CTRB1: variants seen among roughly 807,000 people sequenced by gnomAD.
CTRB1 encodes the protein chymotrypsinogen B1.
CTRB1 carries 15 observed loss-of-function variants against 20.4 expected under a neutral mutation model. The ratio of observed to expected loss-of-function variants is 0.74; its 90% CI spans 0.49 to 1.13. The LOEUF (loss-of-function observed/expected upper bound fraction) is 1.13. Ranked by LOEUF, CTRB1 falls within the 50% of genes most tolerant of loss-of-function variation. CTRB1 has a pLI of 0.00. For missense variants in CTRB1, 227 were observed against 290.1 expected (o/e 0.78, Z 1.58); for synonymous variants, 92 against 128.4 (o/e 0.72, Z 1.92).
intron 1 of CTRB1, 28 bp downstream of exon 1, chr16:75,219,087 CCTGAGGGAGCCCTGAGCCTGGCT>C: frequency 6.4e-7 from 1 of 1,570,084 alleles, no homozygotes; most frequent in Non-Finnish European, 8.6e-7. Flanking sequence ...AGGGGTCTGT[CCTGAGGGAGCCCTGAGCCTGGCT>C]GAGAGGGGGA....
chr16:75,223,563 CCGA>C lies in CTRB1; in HGVS notation c.439_441del (p.Asp147del), dbSNP rs1366421250. 1.9e-5 allele frequency: 12 copies of C among 627,828 alleles called. No individual in the cohort carries two copies. The highest frequency in any genetic ancestry group is 2.9e-5 in the Non-Finnish European group (11 of 385,634). The allele number at this position is 627,828 out of a possible 1,614,324, so 38.9% of individuals were successfully genotyped here. Reference sequence around the variant, plus strand: ...GTGTCCGCCGTGTGCCTGCCCAGCGCCGACGACGACTTCCCCGCGGGGACACTG... The same window carrying C: ...GTGTCCGCCGTGTGCCTGCCCAGCGCCGACGACTTCCCCGCGGGGACACTG... On this transcript the variant is annotated inframe_deletion, in exon 5 of 7. Coordinates refer to ENST00000361017, the MANE Select transcript of CTRB1 (RefSeq NM_001906.6).
chr16:75,219,505 C>T (rs1450398997), intron 1 of CTRB1, among the ~76,000 whole-genome samples: 1 of 152,026 alleles, frequency 6.6e-6, no homozygotes, highest in Non-Finnish European at 1.5e-5. Flanking sequence ...GATCTTCCTG[C>T]CTCAGCTTCC....
chr16:75,219,075 C>G lies in CTRB1; in HGVS notation c.52+16C>G. ...GCCGCCTTTGGTGAGTGCTGGTGCC[C>G]GAGGGGTCTGTCCTGAGGGAGCCCT... On this transcript the variant is annotated intron_variant, in intron 1 of 6. Coordinates refer to ENST00000361017, the MANE Select transcript of CTRB1 (RefSeq NM_001906.6). 6.3e-7 allele frequency: 1 copy of G among 1,580,732 alleles called. No individual in the cohort carries two copies. Among genetic ancestry groups the G allele is most frequent in the Non-Finnish European group, 8.6e-7 (1 of 1,164,618 alleles).
In CTRB1 at chr16:75,224,864, T is replaced by G; in HGVS notation, c.790T>G (p.Ter264GlyextTer?). 7 of 1,613,714 alleles carry G rather than the reference T, an allele frequency of 4.3e-6. No individual in the cohort carries two copies. Among genetic ancestry groups the G allele is most frequent in the Non-Finnish European group, 5.1e-6 (6 of 1,180,016 alleles). Residue 264 changes from the stop codon to glycine, a stop_lost, in exon 7 of 7, where the codon TGA becomes GGA. Transcript: ENST00000361017. ...GGTGCAGAAGATCCTGGCTGCCAACTGAGCCCGCGGCTCCCTCCGACCCTG... is the reference window on the plus strand; with the variant it reads ...GGTGCAGAAGATCCTGGCTGCCAACGGAGCCCGCGGCTCCCTCCGACCCTG... ...PWVQKILAAN[*>G]
rs72802387 is a variant in CTRB1 at position 75,222,355 on chromosome 16, G to A, written c.53-413G>A. ...CTCGCCACCAGTCTAACAAAGGCAC[G>A]TGGGCCAGTGGAGCTCACGTGGTTC... On this transcript the variant is annotated intron_variant, in intron 1 of 6. Coordinates refer to ENST00000361017, the MANE Select transcript of CTRB1 (RefSeq NM_001906.6). 2.5e-3 allele frequency among the ~76,000 whole-genome samples: 379 copies of A among 152,218 alleles called. 4 individuals are homozygous for A. The highest frequency in any genetic ancestry group is 6.8e-3 in the Middle Eastern group (2 of 294).
chr16:75,222,450 A>G (rs1213107239), intron 1 of CTRB1, among the ~76,000 whole-genome samples: 1 of 152,184 alleles, frequency 6.6e-6, no homozygotes, highest in Non-Finnish European at 1.5e-5. Flanking sequence ...GTCACACGGC[A>G]AGGAAAGTGT....
chr16:75,224,696 C>T lies in CTRB1; in HGVS notation c.631-9C>T, dbSNP rs1327350248. ...GCCAGATCCAAGCCCCCTTCTCCCTCTCCCACAGGGCGACTCTGGCGGCCC... is the reference window on the plus strand; with the variant it reads ...GCCAGATCCAAGCCCCCTTCTCCCTTTCCCACAGGGCGACTCTGGCGGCCC... On this transcript the variant is annotated splice_polypyrimidine_tract_variant and intron_variant, in intron 6 of 6. Coordinates refer to ENST00000361017, the MANE Select transcript of CTRB1 (RefSeq NM_001906.6). 1.2e-6 allele frequency: 2 copies of T among 1,602,718 alleles called. No individual in the cohort carries two copies. Among genetic ancestry groups the T allele is most frequent in the Non-Finnish European group, 8.5e-7 (1 of 1,175,482 alleles).
chr16:75,224,305 G>T (rs923173981), intron 6 of CTRB1, 117 bp downstream of exon 6: 2 of 1,531,530 alleles, frequency 1.3e-6, no homozygotes, highest in African/African-American at 1.4e-5. Flanking sequence ...TGTCAGAGTC[G>T]CCTTGTTGCA....
intron 1 of CTRB1, chr16:75,222,558 A>C: frequency 3.3e-6 from 2 of 602,248 alleles, no homozygotes; most frequent in Non-Finnish European, 5.8e-6. Flanking sequence ...GACGCTCTGC[A>C]TCCTGGAAGG....
At position 75,222,613 on chromosome 16, in the gene CTRB1, G is replaced by C. The variant is rs969749477; in HGVS notation, c.53-155G>C. On this transcript the variant is annotated intron_variant, in intron 1 of 6. Transcript: ENST00000361017. ...CGAGAGTTGGGAACGTTTGAGCCTAGAGACTTGGGGACCAGGGAGGCGGAG... is the reference window on the plus strand; with the variant it reads ...CGAGAGTTGGGAACGTTTGAGCCTACAGACTTGGGGACCAGGGAGGCGGAG... The C allele has an allele frequency of 1.4e-5, 11 of 764,036 alleles. No individual in the cohort carries two copies. In the African/African-American group the frequency reaches 1.9e-4, roughly 13 times the overall value. The allele number at this position is 764,036 out of a possible 1,614,324, so 47.3% of individuals were successfully genotyped here. A position where few individuals can be genotyped will look rare whatever the true frequency, so the allele number is the denominator to read the frequency against.
Position 75,224,840 on chromosome 16 carries a change from G to A in CTRB1, c.766G>A (p.Val256Met), listed in dbSNP as rs750847455. Residue 256 changes from valine to methionine, a missense_variant, in exon 7 of 7, where the codon GTG (valine) becomes ATG (methionine). Physicochemically the swap from Val to Met is conservative, Grantham distance 21. Around this residue, in one of 4 missense-constraint regions of CTRB1, gnomAD observed 108 missense variants for 76.9 expected, o/e 1.41. Coordinates refer to ENST00000361017, the MANE Select transcript of CTRB1 (RefSeq NM_001906.6). ...YARVTKLIPW[V>M]QKILAAN ...CCGTGTCACCAAGCTCATACCTTGGGTGCAGAAGATCCTGGCTGCCAACTG... is the reference window on the plus strand; with the variant it reads ...CCGTGTCACCAAGCTCATACCTTGGATGCAGAAGATCCTGGCTGCCAACTG... 3.1e-6 allele frequency: 5 copies of A among 1,613,956 alleles called. No individual in the cohort carries two copies. Among genetic ancestry groups the A allele is most frequent in the Non-Finnish European group, 4.2e-6 (5 of 1,180,022 alleles).
chr16:75,219,149 C>T (rs539212768), intron 1 of CTRB1, 90 bp downstream of exon 1: 338 of 1,385,544 alleles, frequency 2.4e-4, no homozygotes, highest in Non-Finnish European at 3.2e-4. Flanking sequence ...CCCCCTGGGG[C>T]CTCATCCCCA....
chr16:75,219,097 C>A, intron 1 of CTRB1, 38 bp downstream of exon 1: 1 of 1,560,206 alleles, frequency 6.4e-7, no homozygotes, highest in Non-Finnish European at 8.7e-7. Flanking sequence ...CCTGAGGGAG[C>A]CCTGAGCCTG....
At chr16:75,219,492 A>G (rs747696712) in intron 1 of CTRB1, among the ~76,000 whole-genome samples, 3 of 151,888 alleles carry the variant, frequency 2.0e-5, no homozygotes, top group Non-Finnish European at 4.4e-5. Context: ...CCTGGGTTCA[A>G]ATGATCTTCC....
chr16:75,224,671 G>A (rs746607542), intron 6 of CTRB1, 34 bp from the exon 7 acceptor site: 1 of 1,584,870 alleles, frequency 6.3e-7, no homozygotes, highest in Non-Finnish European at 8.6e-7. Context: ...TGTCTCGGCT[G>A]CCAGATCCAA....
At chr16:75,219,391 C>A (rs1481865840) in intron 1 of CTRB1, among the ~76,000 whole-genome samples, 2 of 151,454 alleles carry the variant, frequency 1.3e-5, no homozygotes, top group Admixed American at 1.3e-4. Flanking sequence ...TTCTTCCTTT[C>A]TTTCTTTTTT....
At position 75,222,815 on chromosome 16, in the gene CTRB1, A is replaced by G. The variant is rs2076704390; in HGVS notation, c.100A>G (p.Ile34Val). The G allele has an allele frequency of 6.5e-6, 10 of 1,548,282 alleles. No individual in the cohort carries two copies. Among genetic ancestry groups the G allele is most frequent in the Non-Finnish European group, 6.1e-6 (7 of 1,144,738 alleles). Reference protein sequence around the residue: ...IHPVLSGLSRIVNGEDAVPGS... With the variant: ...IHPVLSGLSRVVNGEDAVPGS... The stretch of plus-strand genomic sequence containing the variant: ...CCCTGTGCTCAGCGGCCTGTCCAGG[A>G]TCGTGAATGGGGAGGACGCCGTCCC... The change falls in exon 2 of 7, where the codon ATC (isoleucine) becomes GTC (valine). Residue 34 changes from isoleucine to valine, a missense_variant. Coordinates refer to ENST00000361017, the MANE Select transcript of CTRB1 (RefSeq NM_001906.6).
intron 1 of CTRB1, among the ~76,000 whole-genome samples, chr16:75,222,302 G>T (rs1299317793): frequency 6.6e-6 from 1 of 152,132 alleles, no homozygotes; most frequent in African/African-American, 2.4e-5. Flanking sequence ...TGGACTTGGG[G>T]TTATCAGATT....
chr16:75,219,901 T>G (rs566060715), intron 1 of CTRB1, among the ~76,000 whole-genome samples: 1 of 152,256 alleles, frequency 6.6e-6, no homozygotes, highest in African/African-American at 2.4e-5. Flanking sequence ...TGTGAGCTTA[T>G]ACAATTGTAC....
Sources: gnomAD v4.1 joint callset for allele counts (sites outside exome capture counted in the v4.1 genomes callset) on GRCh38, gnomAD v4.1.1 for gene constraint, gnomAD v4.1.1 regional missense constraint, MANE v1.5 for transcripts, NCBI Gene and HGNC (gene_info 2026-07-23, HGNC 2026-07-21) for gene names.